Variants in DPYSL2 observed in about 807,000 individuals in gnomAD.
The protein encoded by DPYSL2 is dihydropyrimidinase like 2.
In DPYSL2, 13 loss-of-function variants were observed where a neutral mutation model predicts 69.9. That is an observed-to-expected ratio of 0.19 (90% CI 0.12 to 0.30). DPYSL2 has a LOEUF of 0.30. DPYSL2 is among the 10% of genes least tolerant of loss of function. DPYSL2 has a pLI of 1.00. For missense variants in DPYSL2, 587 were observed against 918.9 expected, an observed-to-expected ratio of 0.64 and a Z score of 4.67; for synonymous variants, 326 against 359.1, an observed-to-expected ratio of 0.91 and a Z score of 1.04.
At chr8:26,572,882 A>G (rs574549554) in intron 1 of DPYSL2, among the ~76,000 whole-genome samples, 1 of 152,168 alleles carries the variant, frequency 6.6e-6, no homozygotes, top group Non-Finnish European at 1.5e-5. Flanking sequence ...TCACCTAGTT[A>G]TGGTGTCGGT....
chr8:26,578,323 C>G (rs1303236816), intron 1 of DPYSL2: 1 of 1,613,742 alleles, frequency 6.2e-7, no homozygotes, highest in African/African-American at 1.3e-5. Context: ...AATCTGCGGT[C>G]GGCCAGCCAC....
intron 1 of DPYSL2, among the ~76,000 whole-genome samples, chr8:26,545,210 A>G (rs1563380819): frequency 1.3e-5 from 2 of 152,196 alleles, no homozygotes; most frequent in African/African-American, 4.8e-5. Context: ...AAGTATGCAC[A>G]TTTTTCTCAG....
Position 26,533,152 on chromosome 8 carries a change from G to C in DPYSL2, c.354+18473G>C, listed in dbSNP as rs1168815036. On this transcript the variant is annotated intron_variant, in intron 1 of 13. Coordinates refer to ENST00000521913, the MANE Select transcript of DPYSL2 (RefSeq NM_001197293.3). The surrounding 1 kb of genome is among the most constrained non-coding windows in gnomAD (Gnocchi z 4.8). ...TTGATGCCATTGAGCATCTTTTCAT[G>C]TGCTTATGTCATTTGTATCTCTTTG... Among the ~76,000 whole-genome samples, 1 of 152,112 alleles carries C rather than the reference G, an allele frequency of 6.6e-6. No individual in the cohort carries two copies. The highest frequency in any genetic ancestry group is 1.5e-5 in the Non-Finnish European group (1 of 68,030).
chr8:26,608,807 G>T (rs891072049), intron 3 of DPYSL2, among the ~76,000 whole-genome samples: 1 of 152,228 alleles, frequency 6.6e-6, no homozygotes, highest in Admixed American at 6.5e-5. Context: ...ATTCAGTCCA[G>T]GTTCCTAGGA....
At chr8:26,532,103 G>A (rs1008544744) in intron 1 of DPYSL2, among the ~76,000 whole-genome samples, 103 of 152,264 alleles carry the variant, frequency 6.8e-4, no homozygotes, top group African/African-American at 2.4e-3. Context: ...GACTGATAGA[G>A]ATAGGAGGCA....
rs539634356 is a variant in DPYSL2 at position 26,646,486 on chromosome 8, A to G, written c.1426-1144A>G. 2.0e-5 allele frequency among the ~76,000 whole-genome samples: 3 copies of G among 152,300 alleles called. No homozygotes were observed. In the South Asian group the frequency reaches 6.2e-4, roughly 32 times the overall value. On this transcript the variant is annotated intron_variant, in intron 10 of 13. Transcript: ENST00000521913. ...TGAATTTTGTGTCTTATTGTTTTAC[A>G]TTTAATTTATTCAATTACTGATTAG...
Position 26,598,790 on chromosome 8 carries a change from C to T in DPYSL2, c.628+14807C>T, listed in dbSNP as rs17055500. Among the ~76,000 whole-genome samples the T allele has an allele frequency of 0.015, 2,325 of 152,160 alleles. 29 individuals carry two copies. The highest frequency in any genetic ancestry group is 0.068 in the Middle Eastern group (20 of 294). On this transcript the variant is annotated intron_variant, in intron 3 of 13. Transcript: ENST00000521913. The surrounding 1 kb of genome is among the most constrained non-coding windows in gnomAD (Gnocchi z 4.2). ...GTGAAGAGCAGGTTTGAGACTTACA[C>T]CTTGTTTATTGCAATCTTTCTTTCA...
chr8:26,621,161 AG>A lies in DPYSL2; in HGVS notation c.629-2980del, dbSNP rs1802473453. On this transcript the variant is annotated intron_variant, in intron 3 of 13. Transcript: ENST00000521913. The surrounding 1 kb of genome is among the most constrained non-coding windows in gnomAD (Gnocchi z 4.9). ...GGACTATAGATAAAGAAATAGAATA[AG>A]GTATAATATATAGAAAAAAGGCAGT... Among the ~76,000 whole-genome samples the A allele has an allele frequency of 6.6e-6, 1 of 152,244 alleles. No homozygotes were observed. Among genetic ancestry groups the A allele is most frequent in the Non-Finnish European group, 1.5e-5 (1 of 68,042 alleles).
At chr8:26,599,706 G>A (rs1433194850) in intron 3 of DPYSL2, among the ~76,000 whole-genome samples, 1 of 151,764 alleles carries the variant, frequency 6.6e-6, no homozygotes, top group Non-Finnish European at 1.5e-5. Flanking sequence ...AATAGAGCAA[G>A]ACCCTGTCTC....
At chr8:26,628,130 A>T (rs1802662045) in intron 7 of DPYSL2, among the ~76,000 whole-genome samples, 190 bp downstream of exon 7, 1 of 152,136 alleles carries the variant, frequency 6.6e-6, no homozygotes, top group South Asian at 2.1e-4. Context: ...ATTGCTCCTG[A>T]GGGTAAGGTG....
At chr8:26,515,478 G>T (rs1052673570) in intron 1 of DPYSL2, among the ~76,000 whole-genome samples, 1 of 152,176 alleles carries the variant, frequency 6.6e-6, no homozygotes, top group Admixed American at 6.5e-5. Flanking sequence ...AAAACCCCTC[G>T]CACTCGAAAT....
At chr8:26,594,931 C>G (rs901441328) in intron 3 of DPYSL2, among the ~76,000 whole-genome samples, 2 of 152,138 alleles carry the variant, frequency 1.3e-5, no homozygotes, top group Non-Finnish European at 2.9e-5. Flanking sequence ...CCTGTAATCC[C>G]AGCACTTTGG....
At chr8:26,554,683 A>G (rs1347147306) in intron 1 of DPYSL2, among the ~76,000 whole-genome samples, 1 of 152,126 alleles carries the variant, frequency 6.6e-6, no homozygotes, top group Non-Finnish European at 1.5e-5. Context: ...ATCTTGATCT[A>G]CCAAATAATT....
In DPYSL2 at chr8:26,650,132, G is replaced by A. The variant is rs1803252148; in HGVS notation, c.1597-2125G>A. On this transcript the variant is annotated intron_variant, in intron 11 of 13. Transcript: ENST00000521913. This position sits in a 1 kb window ranked among gnomAD's most constrained non-coding sequence, Gnocchi z 5.3. ...CTGTGAGCCAAATAGTGAGCTAGATGCTTTTGTTCATTTTATTTCATTTGA... is the reference window on the plus strand; with the variant it reads ...CTGTGAGCCAAATAGTGAGCTAGATACTTTTGTTCATTTTATTTCATTTGA... Among the ~76,000 whole-genome samples the A allele has an allele frequency of 6.6e-6, 1 of 152,208 alleles. No individual in the cohort carries two copies. The highest frequency in any genetic ancestry group is 1.5e-5 in the Non-Finnish European group (1 of 68,044).
Position 26,624,037 on chromosome 8 carries a change from AT to A in DPYSL2, c.629-102del. 1 of 1,244,612 alleles carries A rather than the reference AT, an allele frequency of 8.0e-7. No individual in the cohort carries two copies. The allele number at this position is 1,244,612 out of a possible 1,614,324, so 77.1% of individuals were successfully genotyped here. A position where few individuals can be genotyped will look rare whatever the true frequency, so the allele number is the denominator to read the frequency against. On this transcript the variant is annotated intron_variant, in intron 3 of 13. Coordinates refer to ENST00000521913, the MANE Select transcript of DPYSL2 (RefSeq NM_001197293.3). This position sits in a 1 kb window ranked among gnomAD's most constrained non-coding sequence, Gnocchi z 4.7. ...GCTGGTTGTAGAGATCACCATCTCG[AT>A]TTTGAACCCAAGAAGCCTTATTCAG...
intron 1 of DPYSL2, among the ~76,000 whole-genome samples, chr8:26,542,097 T>C (rs1022504434): frequency 1.3e-5 from 2 of 152,080 alleles, no homozygotes; most frequent in African/African-American, 2.4e-5. Flanking sequence ...AACTATGTCT[T>C]TAACATAGGG....
intron 3 of DPYSL2, among the ~76,000 whole-genome samples, chr8:26,622,766 T>TGCAACG (rs1802527962): frequency 1.3e-5 from 2 of 152,342 alleles, no homozygotes; most frequent in South Asian, 4.1e-4. Context: ...CCTCCCAAAG[T>TGCAACG]GCAACGGCTA....
At position 26,514,702 on chromosome 8, in the gene DPYSL2, G is replaced by A. The variant is rs925114039; in HGVS notation, c.354+23G>A. On this transcript the variant is annotated intron_variant, in intron 1 of 13. Transcript: ENST00000521913. This position sits in a 1 kb window ranked among gnomAD's most constrained non-coding sequence, Gnocchi z 8.4. The stretch of plus-strand genomic sequence containing the variant: ...CAGGTCGGTGTGGGGGTTGGGGGTG[G>A]AGACGGAGGACGGGGCGCGGGGATC... The A allele has an allele frequency of 1.5e-5, 20 of 1,355,598 alleles. No homozygotes were observed. The African/African-American group carries it at 2.5e-4, about 17-fold the overall frequency. The allele number at this position is 1,355,598 out of a possible 1,614,324, so 84.0% of individuals were successfully genotyped here.
At chr8:26,613,199 A>T (rs1802274557) in intron 3 of DPYSL2, among the ~76,000 whole-genome samples, 1 of 152,208 alleles carries the variant, frequency 6.6e-6, no homozygotes, top group Non-Finnish European at 1.5e-5. Context: ...AGCCCAAGAT[A>T]CATCTGCGAC....
Sources: allele counts gnomAD v4.1 joint callset (sites outside exome capture counted in the v4.1 genomes callset), GRCh38; gene constraint gnomAD v4.1.1; non-coding constraint Gnocchi (gnomAD v3.1); transcripts MANE v1.5; gene names NCBI Gene and HGNC (gene_info 2026-07-23, HGNC 2026-07-21).